The following PLCG2 variants were observed in gnomAD, a reference collection of about 807,000 sequenced individuals.
PLCG2 encodes the protein 1-phosphatidylinositol 4,5-bisphosphate phosphodiesterase gamma-2.
In PLCG2, 69 loss-of-function variants were observed where a neutral mutation model predicts 175.6. The ratio of observed to expected loss-of-function variants is 0.39; its 90% CI spans 0.32 to 0.48. The LOEUF (loss-of-function observed/expected upper bound fraction) is 0.48, where lower values mean the gene tolerates loss of function less well. Among genes scored for constraint, PLCG2 ranks in the 20% least tolerant of loss-of-function variants. PLCG2 has a pLI of 0.91. For synonymous variants in PLCG2, 827 were observed against 624.0 expected (o/e 1.33, Z -4.85); for missense variants, 1,798 against 1,650.9 (o/e 1.09, Z -1.54).
intron 23 of PLCG2, among the ~76,000 whole-genome samples, chr16:81,927,540 G>A (rs992087811): frequency 2.0e-5 from 3 of 152,174 alleles, no homozygotes; most frequent in South Asian, 4.1e-4. Flanking sequence ...TGCTTGGGGC[G>A]AGTAAGCAAG....
At position 81,883,538 on chromosome 16, in the gene PLCG2, G is replaced by A. The variant is rs112091089; in HGVS notation, c.765+197G>A. The A allele has an allele frequency of 1.6e-4, 97 of 599,254 alleles. No individual in the cohort carries two copies. In the African/African-American group the frequency reaches 1.6e-3, roughly 10 times the overall value. The allele number at this position is 599,254 out of a possible 1,614,324, so 37.1% of individuals were successfully genotyped here. ...CTTCAGATTGCTGTCTGATGCCACT[G>A]AAACTCTGGATGAGAAGAGCCTCAT... On this transcript the variant is annotated intron_variant, in intron 9 of 32. Transcript: ENST00000564138.
At chr16:81,820,361 A>G (rs980981526) in intron 2 of PLCG2, among the ~76,000 whole-genome samples, 3 of 151,758 alleles carry the variant, frequency 2.0e-5, no homozygotes, top group African/African-American at 7.3e-5. Context: ...ACCCCAACCT[A>G]CTTTGAGTCA....
At chr16:81,872,192 G>T (rs1046443950) in intron 7 of PLCG2, among the ~76,000 whole-genome samples, 1 of 152,118 alleles carries the variant, frequency 6.6e-6, no homozygotes, top group Non-Finnish European at 1.5e-5. Context: ...GCCAGGCATG[G>T]TGGTGTGCAC....
At chr16:81,928,114 A>T (rs1208944190) in intron 23 of PLCG2, among the ~76,000 whole-genome samples, 1 of 152,044 alleles carries the variant, frequency 6.6e-6, no homozygotes, top group Admixed American at 6.5e-5. Flanking sequence ...GGAAAGGGTG[A>T]TGGGGGCTCT....
At chr16:81,921,073 C>A in intron 20 of PLCG2, 125 bp from the exon 21 acceptor site, 1 of 605,772 alleles carries the variant, frequency 1.7e-6, no homozygotes, top group Non-Finnish European at 2.9e-6. Flanking sequence ...AAAGAAAATT[C>A]TATGAGGTTT....
chr16:81,919,440 C>T (rs764253954), intron 19 of PLCG2, 44 bp from the exon 20 acceptor site: 10 of 1,536,848 alleles, frequency 6.5e-6, no homozygotes, highest in Non-Finnish European at 8.1e-6. Flanking sequence ...ATTGTTTGGC[C>T]ACCAGGATCT....
chr16:81,858,910 G>T (rs1478303674), intron 4 of PLCG2, among the ~76,000 whole-genome samples: 3 of 152,136 alleles, frequency 2.0e-5, no homozygotes, highest in African/African-American at 7.2e-5. Context: ...AAAGAAACCT[G>T]GCCTTTTTGA....
chr16:81,798,563 A>T (rs1289399831), intron 2 of PLCG2: 1 of 152,336 alleles, frequency 6.6e-6, no homozygotes, highest in Non-Finnish European at 1.5e-5. Context: ...GGGCCACTCC[A>T]CTGTCACAGG....
intron 1 of PLCG2, among the ~76,000 whole-genome samples, chr16:81,750,610 A>G (rs749519318): frequency 2.7e-5 from 4 of 149,854 alleles, no homozygotes; most frequent in Non-Finnish European, 4.4e-5. Flanking sequence ...AACGTGCCAC[A>G]TATTTACAAT....
At chr16:81,921,607 A>T in intron 21 of PLCG2, 1 of 368,400 alleles carries the variant, frequency 2.7e-6, no homozygotes, top group Non-Finnish European at 5.2e-6. Context: ...CATTTGGTTC[A>T]CTGACCTCCT....
chr16:81,908,823 A>G (rs1042102783), intron 17 of PLCG2, among the ~76,000 whole-genome samples: 2 of 152,168 alleles, frequency 1.3e-5, no homozygotes, highest in African/African-American at 4.8e-5. Flanking sequence ...ATCAAAAGTA[A>G]TGCAAAAAAG....
intron 7 of PLCG2, among the ~76,000 whole-genome samples, chr16:81,871,788 A>G (rs561417273): frequency 1.3e-5 from 2 of 152,288 alleles, no homozygotes; most frequent in East Asian, 1.9e-4. Context: ...GGGCCTGAGA[A>G]TATATTATCG....
Position 81,858,346 on chromosome 16 carries a change from A to G in PLCG2, c.421A>G (p.Ile141Val), listed in dbSNP as rs554363067. The G allele has an allele frequency of 4.4e-5, 71 of 1,612,500 alleles. No homozygotes were observed. Among genetic ancestry groups the G allele is most frequent in the Non-Finnish European group, 5.5e-5 (65 of 1,178,736 alleles). ...QEAMNASTPT[I>V]IESWLRKQIY... ...AGCGATGAATGCGTCCACGCCCACC[A>G]TTATCGAGAGGTAGTTGGCTTTTGC... The change falls in exon 4 of 33, where the codon ATT becomes GTT. Residue 141 changes from isoleucine (I) to valine (V), a missense_variant. Transcript: ENST00000564138.
intron 9 of PLCG2, among the ~76,000 whole-genome samples, chr16:81,886,421 G>C (rs1028261437): frequency 8.5e-5 from 13 of 152,210 alleles, no homozygotes; most frequent in Non-Finnish European, 1.8e-4. Context: ...GCCTTTTCTA[G>C]AAAACACTTT....
intron 30 of PLCG2, 144 bp from the exon 31 acceptor site, chr16:81,946,031 C>T (rs1911135378): frequency 3.0e-6 from 2 of 676,580 alleles, no homozygotes; most frequent in South Asian, 1.7e-5. Flanking sequence ...GGACCTCTGG[C>T]TTCCACAAAG....
intron 14 of PLCG2, among the ~76,000 whole-genome samples, chr16:81,904,439 C>G (rs1050696075): frequency 1.3e-5 from 2 of 152,226 alleles, no homozygotes; most frequent in African/African-American, 4.8e-5. Context: ...GGTGTCATCA[C>G]TGTCTTAATC....
At chr16:81,743,328 A>T (rs1909635377) in intron 1 of PLCG2, among the ~76,000 whole-genome samples, 1 of 152,180 alleles carries the variant, frequency 6.6e-6, no homozygotes, top group African/African-American at 2.4e-5. Flanking sequence ...TCCAGTCTGG[A>T]TGACAGAGAC....
chr16:81,947,586 G>C (rs1178157936), intron 31 of PLCG2, among the ~76,000 whole-genome samples: 1 of 152,196 alleles, frequency 6.6e-6, no homozygotes, highest in Admixed American at 6.5e-5. Flanking sequence ...ACTTTTCTGA[G>C]CAAATGATTG....
chr16:81,859,211 A>G, intron 5 of PLCG2, 48 bp downstream of exon 5: 1 of 1,255,584 alleles, frequency 8.0e-7, no homozygotes, highest in Non-Finnish European at 1.2e-6. Context: ...TTCGATCCTC[A>G]TTCTATCTTT....
Sources: gnomAD v4.1 joint callset for allele counts (sites outside exome capture counted in the v4.1 genomes callset) on GRCh38, gnomAD v4.1.1 for gene constraint, MANE v1.5 for transcripts, NCBI Gene and HGNC (gene_info 2026-07-23, HGNC 2026-07-21) for gene names.